FAM219A: variants seen among roughly 807,000 people sequenced by gnomAD.
The protein encoded by FAM219A is protein FAM219A.
Under a neutral mutation model 23.4 loss-of-function variants are expected in FAM219A, and 7 were observed. That is an observed-to-expected ratio of 0.30 (90% CI 0.17 to 0.56). FAM219A has a LOEUF of 0.56. Among genes scored for constraint, FAM219A ranks in the 20% least tolerant of loss-of-function variants. The probability of loss-of-function intolerance (pLI) is 0.92; values close to 1 mark genes in which losing one functional copy is unlikely to be tolerated. For missense variants in FAM219A, 166 were observed against 246.9 expected, an observed-to-expected ratio of 0.67 and a Z score of 2.20; for synonymous variants, 93 against 99.0, an observed-to-expected ratio of 0.94 and a Z score of 0.36.
Position 34,417,740 on chromosome 9 carries a change from T to C in FAM219A, c.61-11776A>G, listed in dbSNP as rs945943924. ...TTTACCCATTATCTTCCATGAGAGC[T>C]CTGTTCCAGTCCTCATTTACCTGGT... On this transcript the variant is annotated intron_variant, in intron 1 of 5. Coordinates refer to ENST00000651358, the MANE Select transcript of FAM219A (RefSeq NM_001184940.2). This position sits in a 1 kb window ranked among gnomAD's most constrained non-coding sequence, Gnocchi z 4.1. Among the ~76,000 whole-genome samples the C allele has an allele frequency of 6.6e-6, 1 of 152,230 alleles. No homozygotes were observed. The highest frequency in any genetic ancestry group is 1.5e-5 in the Non-Finnish European group (1 of 68,040).
In FAM219A at chr9:34,402,541, C is replaced by T. The variant is rs1029599507; in HGVS notation, c.264-74G>A. ...CCTGGCAAGGGACTGGGTTGGGCCC[C>T]GTCCCACCACTTTCTTCCCTCCCTC... On this transcript the variant is annotated intron_variant, in intron 3 of 5. Coordinates refer to ENST00000651358, the MANE Select transcript of FAM219A (RefSeq NM_001184940.2). 13 of 1,587,378 alleles carry T rather than the reference C, an allele frequency of 8.2e-6. No individual in the cohort carries two copies. In the East Asian group the frequency reaches 1.1e-4, roughly 14 times the overall value.
rs751416711 is a variant in FAM219A at position 34,401,032 on chromosome 9, G to C, written c.490C>G (p.Pro164Ala). The C allele has an allele frequency of 1.2e-6, 2 of 1,606,848 alleles. No homozygotes were observed. Among genetic ancestry groups the C allele is most frequent in the Admixed American group, 1.7e-5 (1 of 59,312 alleles). The change falls in exon 6 of 6, where the codon CCC (proline) becomes GCC (alanine). Residue 164 changes from proline to alanine, a missense_variant. Physicochemically the swap from Pro to Ala is conservative, Grantham distance 27. This residue lies in a region of FAM219A where 72 missense variants were observed against 131.0 expected (regional missense o/e 0.55). Coordinates refer to ENST00000651358, the MANE Select transcript of FAM219A (RefSeq NM_001184940.2). ...PDDEDLDLIPPKSVNPTCMCC... is the reference protein window; with the variant it reads ...PDDEDLDLIPAKSVNPTCMCC... ...ATGCACGTGGGGTTCACGGACTTGG[G>C]GGGGATGAGGTCTAGGTCCTCGTCG...
intron 1 of FAM219A, among the ~76,000 whole-genome samples, chr9:34,438,915 C>T (rs770500461): frequency 6.1e-4 from 93 of 152,236 alleles, no homozygotes; most frequent in Non-Finnish European, 1.1e-3. Context: ...ATAAATCTTG[C>T]TACTGCTCAT....
chr9:34,442,858 A>T (rs1823231349), intron 1 of FAM219A, among the ~76,000 whole-genome samples: 4 of 152,198 alleles, frequency 2.6e-5, no homozygotes, highest in African/African-American at 9.6e-5. Flanking sequence ...GTAGAAAATT[A>T]TCATTTTTAG....
chr9:34,415,691 T>C (rs1588041597), intron 1 of FAM219A, among the ~76,000 whole-genome samples: 1 of 152,230 alleles, frequency 6.6e-6, no homozygotes, highest in Non-Finnish European at 1.5e-5. Flanking sequence ...GGAACTATGC[T>C]GGTTCTATGT....
intron 1 of FAM219A, among the ~76,000 whole-genome samples, chr9:34,455,917 G>T (rs113101427): frequency 1.3e-5 from 2 of 152,190 alleles, no homozygotes; most frequent in African/African-American, 4.8e-5. Context: ...CTCAGGCCGG[G>T]CATAGCAGCT....
intron 1 of FAM219A, among the ~76,000 whole-genome samples, chr9:34,450,954 A>G (rs1823542737): frequency 6.6e-6 from 1 of 152,164 alleles, no homozygotes; most frequent in South Asian, 2.1e-4. Flanking sequence ...GCACACTCAC[A>G]TACCTCACCG....
chr9:34,413,558 A>G (rs1821899927), intron 1 of FAM219A, among the ~76,000 whole-genome samples: 1 of 152,242 alleles, frequency 6.6e-6, no homozygotes, highest in Admixed American at 6.5e-5. Flanking sequence ...AATTCTTAGG[A>G]AGATGAAAAT....
At chr9:34,439,302 T>C (rs1269364317) in intron 1 of FAM219A, among the ~76,000 whole-genome samples, 1 of 152,192 alleles carries the variant, frequency 6.6e-6, no homozygotes, top group African/African-American at 2.4e-5. Flanking sequence ...GGGTATATGG[T>C]TGAATGTCAG....
At chr9:34,428,699 T>G (rs961516567) in intron 1 of FAM219A, among the ~76,000 whole-genome samples, 1 of 152,242 alleles carries the variant, frequency 6.6e-6, no homozygotes, top group Non-Finnish European at 1.5e-5. Context: ...CCTTTGCCCC[T>G]GAGAGCAGAC....
intron 1 of FAM219A, among the ~76,000 whole-genome samples, chr9:34,449,353 T>G (rs1189262711): frequency 6.6e-6 from 1 of 152,120 alleles, no homozygotes; most frequent in African/African-American, 2.4e-5. Context: ...ATAAATTATA[T>G]CTCAATAAAG....
intron 1 of FAM219A, among the ~76,000 whole-genome samples, chr9:34,410,032 C>T (rs545139373): frequency 4.6e-5 from 7 of 152,192 alleles, no homozygotes; most frequent in East Asian, 1.9e-4. Context: ...AAACCTGGGC[C>T]GAGAGGGGAA....
chr9:34,430,040 A>G (rs1199680061), intron 1 of FAM219A, among the ~76,000 whole-genome samples: 1 of 152,180 alleles, frequency 6.6e-6, no homozygotes, highest in African/African-American at 2.4e-5. Context: ...GGGAGATGAC[A>G]TAATTGTCTT....
chr9:34,448,879 T>G (rs1588074970), intron 1 of FAM219A, among the ~76,000 whole-genome samples: 1 of 151,902 alleles, frequency 6.6e-6, no homozygotes, highest in East Asian at 1.9e-4. Flanking sequence ...GATAAAAGAC[T>G]ACATGTTGGG....
chr9:34,453,987 G>A (rs533090872), intron 1 of FAM219A, among the ~76,000 whole-genome samples: 1 of 152,312 alleles, frequency 6.6e-6, no homozygotes, highest in Non-Finnish European at 1.5e-5. Flanking sequence ...TGAGGTGTAT[G>A]GCTCAGACAC....
chr9:34,434,402 T>G (rs1196293574), intron 1 of FAM219A, among the ~76,000 whole-genome samples: 1 of 152,138 alleles, frequency 6.6e-6, no homozygotes, highest in Non-Finnish European at 1.5e-5. Context: ...AACTTAAAAT[T>G]TCAAGGCTTT....
intron 3 of FAM219A, 46 bp downstream of exon 3, chr9:34,402,659 T>C: frequency 1.3e-6 from 2 of 1,598,946 alleles, no homozygotes; most frequent in South Asian, 1.1e-5. Context: ...CCAGCAGAAA[T>C]AGGTCCTGGC....
intron 1 of FAM219A, 46 bp from the exon 2 acceptor site, chr9:34,406,010 A>G (rs538694382): frequency 6.5e-7 from 1 of 1,541,636 alleles, no homozygotes; most frequent in African/African-American, 1.4e-5. Flanking sequence ...GGGAGTGAAG[A>G]CAGGGGGCTG....
chr9:34,406,332 C>A (rs1418445149), intron 1 of FAM219A: 2 of 985,230 alleles, frequency 2.0e-6, no homozygotes, highest in African/African-American at 3.5e-5. Context: ...ACTTGCTTGG[C>A]AAGGTCTTCC....
Sources: allele counts gnomAD v4.1 joint callset (sites outside exome capture counted in the v4.1 genomes callset), GRCh38; gene constraint gnomAD v4.1.1; regional missense constraint gnomAD v4.1.1; non-coding constraint Gnocchi (gnomAD v3.1); transcripts MANE v1.5; gene names NCBI Gene and HGNC (gene_info 2026-07-23, HGNC 2026-07-21).